ANO4: variants seen among roughly 807,000 people sequenced by gnomAD.
The protein encoded by ANO4 is anoctamin-4.
In ANO4, 69 loss-of-function variants were observed where a neutral mutation model predicts 141.9. That is an observed-to-expected ratio of 0.49 (90% CI 0.40 to 0.59). The LOEUF (loss-of-function observed/expected upper bound fraction) is 0.59. Among genes scored for constraint, ANO4 ranks in the 20% least tolerant of loss-of-function variants. The pLI, the probability that ANO4 is intolerant of heterozygous loss-of-function variation, is 0.00. For synonymous variants in ANO4, 350 were observed against 394.3 expected (o/e 0.89, Z 1.33); for missense variants, 894 against 1,162.2 (o/e 0.77, Z 3.36).
intron 15 of ANO4, among the ~76,000 whole-genome samples, chr12:101,082,188 A>G (rs895231998): frequency 2.0e-5 from 3 of 152,114 alleles, no homozygotes; most frequent in African/African-American, 7.2e-5. Context: ...TTCTCATGAT[A>G]GTGAATAAGT....
At chr12:100,907,993 G>A (rs2040923220) in intron 2 of ANO4, among the ~76,000 whole-genome samples, 1 of 152,134 alleles carries the variant, frequency 6.6e-6, no homozygotes, top group East Asian at 1.9e-4. Context: ...TATTCCTAAT[G>A]GTGTTTTATC....
chr12:100,828,441 A>G (rs868585299), intron 1 of ANO4, among the ~76,000 whole-genome samples: 2 of 152,022 alleles, frequency 1.3e-5, no homozygotes, highest in African/African-American at 4.8e-5. Flanking sequence ...AAAAAGCGTA[A>G]AAGTCTTTTC....
intron 14 of ANO4, among the ~76,000 whole-genome samples, chr12:101,067,457 T>C (rs998225693): frequency 1.3e-5 from 2 of 152,196 alleles, no homozygotes; most frequent in Admixed American, 1.3e-4. Context: ...CTGAGGTGGA[T>C]GGATTACTGA....
intron 14 of ANO4, among the ~76,000 whole-genome samples, chr12:101,049,920 C>G (rs1004675971): frequency 1.9e-4 from 29 of 152,206 alleles, no homozygotes; most frequent in Non-Finnish European, 2.5e-4. Flanking sequence ...CAGACAAGGA[C>G]TGGTAGGGCC....
At chr12:100,741,290 T>C (rs924358881) in intron 3 of ANO4, among the ~76,000 whole-genome samples, 17 of 151,816 alleles carry the variant, frequency 1.1e-4, no homozygotes, top group Non-Finnish European at 2.5e-4. Context: ...CACTCAACAA[T>C]TTATAGATGC....
At chr12:100,726,904 TAC>T (rs147165877) in intron 1 of ANO4, among the ~76,000 whole-genome samples, 4 of 150,926 alleles carry the variant, frequency 2.7e-5, no homozygotes, top group South Asian at 2.1e-4. Context: ...TGGTAATTTA[TAC>T]ACACACACAC....
chr12:100,797,159 A>C (rs948391654), intron 1 of ANO4, among the ~76,000 whole-genome samples: 2 of 151,862 alleles, frequency 1.3e-5, no homozygotes, highest in Admixed American at 1.3e-4. Context: ...CACATATACA[A>C]GCGTGTACAC....
chr12:101,005,806 T>C (rs1358281732), intron 8 of ANO4, among the ~76,000 whole-genome samples: 1 of 152,196 alleles, frequency 6.6e-6, no homozygotes, highest in African/African-American at 2.4e-5. Context: ...AGGTAGATAG[T>C]TTAAGATTGG....
Position 100,766,280 on chromosome 12 carries a change from G to C in ANO4, c.358+26175G>C, listed in dbSNP as rs116567491. On this transcript the variant is annotated intron_variant, in intron 3 of 29. Transcript: ENST00000644049. ...GCTTTGATCTTAGTTCTGTCCTTTT[G>C]CTGACTTTGGGCTTAGTCTTCTTTT... 9.5e-4 allele frequency among the ~76,000 whole-genome samples: 138 copies of C among 145,440 alleles called. 1 individual carries two copies. Among genetic ancestry groups the C allele is most frequent in the African/African-American group, 3.6e-3 (135 of 37,838 alleles).
chr12:100,998,537 A>G (rs1487447790), intron 8 of ANO4, among the ~76,000 whole-genome samples: 1 of 152,242 alleles, frequency 6.6e-6, no homozygotes, highest in Non-Finnish European at 1.5e-5. Context: ...ATCAAAAAGC[A>G]AATAACATCA....
chr12:101,066,425 G>A (rs1237746927), intron 14 of ANO4, among the ~76,000 whole-genome samples: 4 of 152,146 alleles, frequency 2.6e-5, no homozygotes, highest in Non-Finnish European at 5.9e-5. Flanking sequence ...AGGATACAAA[G>A]TCAACATACA....
chr12:100,734,095 G>C (rs183514545), intron 2 of ANO4, among the ~76,000 whole-genome samples: 105 of 152,314 alleles, frequency 6.9e-4, no homozygotes, highest in African/African-American at 2.5e-3. Flanking sequence ...GTCATCTCTT[G>C]TTCCCAGATC....
chr12:100,970,837 G>C (rs1047128042), intron 5 of ANO4, among the ~76,000 whole-genome samples: 5 of 151,988 alleles, frequency 3.3e-5, no homozygotes, highest in Non-Finnish European at 5.9e-5. Context: ...TCCCGCCTCA[G>C]CCTCCCCAGT....
intron 14 of ANO4, 91 bp from the exon 15 acceptor site, chr12:101,079,102 C>A: frequency 9.1e-7 from 1 of 1,102,698 alleles, no homozygotes; most frequent in Non-Finnish European, 1.4e-6. Flanking sequence ...AACTGTCATT[C>A]TTGGCAATGG....
intron 1 of ANO4, among the ~76,000 whole-genome samples, chr12:100,801,244 A>T (rs12313325): frequency 0.14 from 21,804 of 152,172 alleles, 1,628 homozygotes; most frequent in South Asian, 0.21. Context: ...GGGAATCACC[A>T]TCTAAAACCT....
At position 100,921,228 on chromosome 12, in the gene ANO4, C is replaced by A. The variant is rs2041617951; in HGVS notation, c.56-998C>A. 3.3e-5 allele frequency among the ~76,000 whole-genome samples: 5 copies of A among 152,070 alleles called. No individual in the cohort carries two copies. The South Asian group carries it at 1.0e-3, about 31-fold the overall frequency. ...TCCCTGCCCTCCCAAGGCTTATTTT[C>A]TATTAAATATAATAGAATATTAAGT... On this transcript the variant is annotated intron_variant, in intron 2 of 27. Coordinates refer to ENST00000392977, the MANE Select transcript of ANO4 (RefSeq NM_001286615.2).
intron 1 of ANO4, among the ~76,000 whole-genome samples, chr12:100,809,960 C>T (rs2035295614): frequency 6.6e-6 from 1 of 152,122 alleles, no homozygotes; most frequent in Admixed American, 6.5e-5. Context: ...TTATTAGAAT[C>T]ACCTGTATGC....
At chr12:101,102,339 G>T (rs2050224344) in intron 22 of ANO4, among the ~76,000 whole-genome samples, 1 of 152,130 alleles carries the variant, frequency 6.6e-6, no homozygotes, top group Non-Finnish European at 1.5e-5. Context: ...TTATACTCTG[G>T]CTAATAGTAG....
chr12:101,109,638 A>G (rs1298742697), intron 22 of ANO4, among the ~76,000 whole-genome samples: 1 of 152,188 alleles, frequency 6.6e-6, no homozygotes, highest in African/African-American at 2.4e-5. Flanking sequence ...TTTTGTAATT[A>G]GTAAAAGTTA....
Sources: allele counts gnomAD v4.1 joint callset (sites outside exome capture counted in the v4.1 genomes callset), GRCh38; gene constraint gnomAD v4.1.1; transcripts MANE v1.5; gene names NCBI Gene and HGNC (gene_info 2026-07-23, HGNC 2026-07-21).